The following ARHGAP15 variants were observed in gnomAD, a reference collection of about 807,000 sequenced individuals.
ARHGAP15 encodes Rho GTPase activating protein 15.
In ARHGAP15, 51 loss-of-function variants were observed where a neutral mutation model predicts 63.7. The ratio of observed to expected loss-of-function variants is 0.80; its 90% confidence interval spans 0.64 to 1.01. The LOEUF (loss-of-function observed/expected upper bound fraction) is 1.01, where lower values mean the gene tolerates loss of function less well. ARHGAP15 is among the 50% of genes least tolerant of loss of function. ARHGAP15 has a pLI of 0.00. For missense variants in ARHGAP15, 560 were observed against 564.6 expected (o/e 0.99, Z 0.08); for synonymous variants, 191 against 193.8 (o/e 0.99, Z 0.12).
intron 12 of ARHGAP15, among the ~76,000 whole-genome samples, chr2:143,692,896 C>A (rs552891702): frequency 5.3e-4 from 80 of 152,234 alleles, no homozygotes; most frequent in African/African-American, 1.9e-3. Context: ...CACATCACTG[C>A]AAGATACTGC....
rs1415934260 is a variant in ARHGAP15, at chr2:143,275,314, G to GA, written c.474+24715dup. On this transcript the variant is annotated intron_variant, in intron 6 of 13. Transcript: ENST00000295095. ...AAGTTGTCTGTGGAGAGATCCCAGA[G>GA]ATCCCACAGGCTTGCCACACCATCA... Among the ~76,000 whole-genome samples, 8 of 152,276 alleles carry GA rather than the reference G, an allele frequency of 5.3e-5. No homozygotes were observed. In the East Asian group the frequency reaches 9.6e-4, roughly 18 times the overall value.
chr2:143,231,471 C>T (rs939445614), intron 5 of ARHGAP15, among the ~76,000 whole-genome samples: 2 of 152,142 alleles, frequency 1.3e-5, no homozygotes, highest in Non-Finnish European at 2.9e-5. Flanking sequence ...GAAAATAAAG[C>T]CAGCCATCCA....
intron 6 of ARHGAP15, among the ~76,000 whole-genome samples, chr2:143,282,729 C>T (rs755649568): frequency 2.0e-5 from 3 of 152,178 alleles, no homozygotes; most frequent in South Asian, 2.1e-4. Context: ...AATAACTTGC[C>T]GGATTTCACA....
At chr2:143,365,514 T>C (rs1686256985) in intron 6 of ARHGAP15, among the ~76,000 whole-genome samples, 1 of 152,220 alleles carries the variant, frequency 6.6e-6, no homozygotes, top group Non-Finnish European at 1.5e-5. Flanking sequence ...AGACATACTT[T>C]GCCTTTTAAG....
chr2:143,250,056 A>G (rs557942825), intron 5 of ARHGAP15, among the ~76,000 whole-genome samples: 10 of 152,218 alleles, frequency 6.6e-5, no homozygotes, highest in African/African-American at 2.2e-4. Context: ...CTATAGTCGC[A>G]AAACTAAAAC....
chr2:143,352,548 A>T (rs544116801), intron 6 of ARHGAP15, among the ~76,000 whole-genome samples: 8 of 152,316 alleles, frequency 5.3e-5, no homozygotes, highest in Admixed American at 5.2e-4. Flanking sequence ...ATGGTCAAAT[A>T]AGTTTGAGGG....
At chr2:143,134,657 C>T (rs1212997586) in intron 1 of ARHGAP15, among the ~76,000 whole-genome samples, 13 of 127,982 alleles carry the variant, frequency 1.0e-4, no homozygotes, top group African/African-American at 3.1e-4. Context: ...TTTTTTGAGA[C>T]GGAGTCTCAC....
intron 2 of ARHGAP15, among the ~76,000 whole-genome samples, chr2:143,191,014 C>A (rs532562573): frequency 6.6e-6 from 1 of 152,302 alleles, no homozygotes; most frequent in Non-Finnish European, 1.5e-5. Flanking sequence ...CATGATCCGC[C>A]CGCCTGGGCC....
chr2:143,646,929 T>C (rs1680907244), intron 12 of ARHGAP15, among the ~76,000 whole-genome samples: 1 of 151,970 alleles, frequency 6.6e-6, no homozygotes, highest in South Asian at 2.1e-4. Context: ...CATGAAATGG[T>C]CAGTTTCTTT....
rs1276630698 is a variant in ARHGAP15 at position 143,606,057 on chromosome 2, AAAAAAAAAAAAAAG to A, written c.1004-18075_1004-18062del. ...TCTCAAAAAAAAAAAAAAAAAAAAA[AAAAAAAAAAAAAAG>A]CCATACATCTGTCTCTTTCGCTACC... On this transcript the variant is annotated intron_variant, in intron 11 of 13. Transcript: ENST00000295095. Among the ~76,000 whole-genome samples, 16 of 136,010 alleles carry A rather than the reference AAAAAAAAAAAAAAG, an allele frequency of 1.2e-4. 1 individual carries two copies. The highest frequency in any genetic ancestry group is 4.8e-4 in the South Asian group (2 of 4,154). 89.2% of individuals were successfully genotyped at this position (136,010 alleles called of 152,430 possible).
chr2:143,360,235 A>G (rs1452675331), intron 6 of ARHGAP15, among the ~76,000 whole-genome samples: 3 of 148,552 alleles, frequency 2.0e-5, no homozygotes, highest in Admixed American at 6.7e-5. Flanking sequence ...AAAAAAAAAA[A>G]TAGCACATTA....
At chr2:143,673,864 A>AGAT (rs1351295292) in intron 12 of ARHGAP15, among the ~76,000 whole-genome samples, 1 of 148,618 alleles carries the variant, frequency 6.7e-6, no homozygotes, top group Non-Finnish European at 1.5e-5. Flanking sequence ...TTCAGAAAGA[A>AGAT]GATACACAAA....
Position 143,251,874 on chromosome 2 carries a change from C to T in ARHGAP15, c.474+1274C>T, listed in dbSNP as rs867168050. 2.6e-4 allele frequency among the ~76,000 whole-genome samples: 39 copies of T among 152,094 alleles called. 1 individual carries two copies. The Middle Eastern group carries it at 0.017, about 66-fold the overall frequency. ...ATAAACTTTCTTTCAAAGGGAGGAACTATAGATCAGTGACTTCCCCTTTCC... is the reference window on the plus strand; with the variant it reads ...ATAAACTTTCTTTCAAAGGGAGGAATTATAGATCAGTGACTTCCCCTTTCC... On this transcript the variant is annotated intron_variant, in intron 6 of 13. Coordinates refer to ENST00000295095, the MANE Select transcript of ARHGAP15 (RefSeq NM_018460.4).
intron 13 of ARHGAP15, among the ~76,000 whole-genome samples, chr2:143,731,199 T>G (rs1387108017): frequency 6.6e-6 from 1 of 152,172 alleles, no homozygotes; most frequent in East Asian, 1.9e-4. Flanking sequence ...AACCCAAATT[T>G]ACTTTAAATT....
chr2:143,394,174 A>G (rs1235843100), intron 6 of ARHGAP15, among the ~76,000 whole-genome samples: 1 of 152,190 alleles, frequency 6.6e-6, no homozygotes, highest in Non-Finnish European at 1.5e-5. Context: ...AGTGCGACAC[A>G]CACTTAACTT....
chr2:143,162,018 A>T (rs1032333954), intron 2 of ARHGAP15: 1 of 152,028 alleles, frequency 6.6e-6, no homozygotes, highest in African/African-American at 2.4e-5. Flanking sequence ...ATATTGGGAT[A>T]GTTTACAAAT....
chr2:143,703,501 A>G lies in ARHGAP15; in HGVS notation c.1221A>G (p.Lys407=). ...CTCCGCCAAATCGTGACACCATGAAAGTCCTCTTTGGACATCTAACTAAGT... is the reference window on the plus strand; with the variant it reads ...CTCCGCCAAATCGTGACACCATGAAGGTCCTCTTTGGACATCTAACTAAGT... ...KLPPPNRDTM[K]VLFGHLTKIV... Residue 407 remains lysine, a synonymous_variant, in exon 13 of 14, where the codon AAA becomes AAG. Transcript: ENST00000295095. The G allele has an allele frequency of 6.2e-7, 1 of 1,611,998 alleles. No homozygotes were observed. Among genetic ancestry groups the G allele is most frequent in the Non-Finnish European group, 8.5e-7 (1 of 1,179,080 alleles).
intron 11 of ARHGAP15, 127 bp from the exon 12 acceptor site, chr2:143,624,006 C>A: frequency 8.7e-7 from 1 of 1,149,126 alleles, no homozygotes; most frequent in Non-Finnish European, 1.2e-6. Flanking sequence ...TGCACAGCAC[C>A]AAACCTCTAG....
intron 13 of ARHGAP15, among the ~76,000 whole-genome samples, chr2:143,710,443 G>T (rs1008371068): frequency 1.3e-5 from 2 of 152,090 alleles, no homozygotes; most frequent in African/African-American, 4.8e-5. Flanking sequence ...TCTTGGCATG[G>T]GATTTATAAG....
Sources: gnomAD v4.1 joint callset for allele counts (sites outside exome capture counted in the v4.1 genomes callset) on GRCh38, gnomAD v4.1.1 for gene constraint, MANE v1.5 for transcripts, NCBI Gene and HGNC (gene_info 2026-07-23, HGNC 2026-07-21) for gene names.